IGF2BP3: variants seen among roughly 807,000 people sequenced by gnomAD.
IGF2BP3 encodes the protein insulin like growth factor 2 mRNA binding protein 3.
IGF2BP3 carries 9 observed loss-of-function variants against 73.8 expected under a neutral mutation model. The observed-to-expected ratio is 0.12, with a 90% CI of 0.07 to 0.21. The LOEUF (loss-of-function observed/expected upper bound fraction) is 0.21. Among genes scored for constraint, IGF2BP3 ranks in the 10% least tolerant of loss-of-function variants. The probability of loss-of-function intolerance (pLI) is 1.00; values close to 1 mark genes in which losing one functional copy is unlikely to be tolerated. For missense variants in IGF2BP3, 542 were observed against 714.0 expected, an observed-to-expected ratio of 0.76 and a Z score of 2.75; for synonymous variants, 258 against 256.7, an observed-to-expected ratio of 1.01 and a Z score of -0.05.
At chr7:23,441,550 G>T (rs979681646) in intron 2 of IGF2BP3, among the ~76,000 whole-genome samples, 25 of 137,542 alleles carry the variant, frequency 1.8e-4, no homozygotes, top group African/African-American at 6.8e-4. Context: ...TCCAGCCTGG[G>T]GACAAGAGTG....
At chr7:23,414,492 T>G (rs1212138971) in intron 3 of IGF2BP3, 1 of 152,248 alleles carries the variant, frequency 6.6e-6, no homozygotes, top group Non-Finnish European at 1.5e-5. Flanking sequence ...CTTCACAGAA[T>G]CTGGCTTACA....
chr7:23,437,068 G>A (rs954411111), intron 2 of IGF2BP3, among the ~76,000 whole-genome samples: 1 of 152,104 alleles, frequency 6.6e-6, no homozygotes, highest in African/African-American at 2.4e-5. Flanking sequence ...GCAGTGAGCT[G>A]AGATCGTGCG....
intron 10 of IGF2BP3, among the ~76,000 whole-genome samples, chr7:23,326,613 C>A (rs1784303503): frequency 1.3e-5 from 2 of 151,444 alleles, no homozygotes; most frequent in African/African-American, 4.9e-5. Context: ...AAGACACATG[C>A]ACACGTATGT....
At chr7:23,390,305 C>T (rs1786231361) in intron 3 of IGF2BP3, among the ~76,000 whole-genome samples, 2 of 151,836 alleles carry the variant, frequency 1.3e-5, no homozygotes, top group African/African-American at 2.4e-5. Context: ...AAATTTTATT[C>T]AACGAGCCTG....
At chr7:23,370,322 T>A (rs572463549) in intron 3 of IGF2BP3, among the ~76,000 whole-genome samples, 1 of 152,368 alleles carries the variant, frequency 6.6e-6, no homozygotes, top group African/African-American at 2.4e-5. Context: ...AGAGTCACAC[T>A]GACTTCCATG....
intron 3 of IGF2BP3, among the ~76,000 whole-genome samples, chr7:23,385,975 T>A (rs534064098): frequency 6.6e-6 from 1 of 152,348 alleles, no homozygotes; most frequent in South Asian, 2.1e-4. Flanking sequence ...TTGATTTTTT[T>A]AAGCCCATAT....
At chr7:23,336,185 A>T (rs1344823929) in intron 10 of IGF2BP3, among the ~76,000 whole-genome samples, 1 of 146,402 alleles carries the variant, frequency 6.8e-6, no homozygotes, top group Non-Finnish European at 1.5e-5. Flanking sequence ...AGTAGTATAT[A>T]TTAAAAAAAA....
intron 6 of IGF2BP3, among the ~76,000 whole-genome samples, chr7:23,349,874 T>C (rs1237290242): frequency 6.6e-6 from 1 of 152,116 alleles, no homozygotes; most frequent in Non-Finnish European, 1.5e-5. Context: ...GGAAGCCATA[T>C]AATGAATTTC....
intron 5 of IGF2BP3, among the ~76,000 whole-genome samples, chr7:23,353,004 C>T (rs947095436): frequency 2.6e-5 from 4 of 151,882 alleles, no homozygotes; most frequent in African/African-American, 7.3e-5. Context: ...CTAGTAGAGA[C>T]GAAATAGCCC....
At chr7:23,459,660 A>G (rs1788398991) in intron 2 of IGF2BP3, among the ~76,000 whole-genome samples, 1 of 151,802 alleles carries the variant, frequency 6.6e-6, no homozygotes, top group African/African-American at 2.4e-5. Context: ...GTGAAACCCC[A>G]TCTCTACTAA....
At position 23,380,047 on chromosome 7, in the gene IGF2BP3, T is replaced by A. The variant is rs148623961; in HGVS notation, c.286-18306A>T. On this transcript the variant is annotated intron_variant, in intron 3 of 14. Coordinates refer to ENST00000258729, the MANE Select transcript of IGF2BP3 (RefSeq NM_006547.3). ...GGAAAGTCGTAACTTGGTAATGTCT[T>A]TAAATATAAAAAGGCTATTTCAAAA... Among the ~76,000 whole-genome samples, 15 of 152,196 alleles carry A rather than the reference T, an allele frequency of 9.9e-5. No homozygotes were observed. The East Asian group carries it at 2.9e-3, about 29-fold the overall frequency.
intron 3 of IGF2BP3, among the ~76,000 whole-genome samples, chr7:23,374,952 G>T (rs757090345): frequency 7.2e-5 from 11 of 152,020 alleles, no homozygotes; most frequent in Non-Finnish European, 1.3e-4. Context: ...CGGTCCCCCC[G>T]TTCAGGGTCC....
intron 3 of IGF2BP3, among the ~76,000 whole-genome samples, chr7:23,393,741 A>G (rs746603534): frequency 6.6e-6 from 1 of 152,194 alleles, no homozygotes; most frequent in Non-Finnish European, 1.5e-5. Flanking sequence ...GGGGGCAATC[A>G]TGTTCATTTT....
rs868224549 is a variant in IGF2BP3, at chr7:23,435,708, G to A, written c.237-16884C>T. Among the ~76,000 whole-genome samples, 11 of 151,814 alleles carry A rather than the reference G, an allele frequency of 7.2e-5. No individual in the cohort carries two copies. In the South Asian group the frequency reaches 8.3e-4, roughly 11 times the overall value. The stretch of plus-strand genomic sequence containing the variant: ...CCTGACCTCATGATCCACCCACCTC[G>A]GCCTCCCAAAGTGCTGGGATTACAG... On this transcript the variant is annotated intron_variant, in intron 2 of 14. Coordinates refer to ENST00000258729, the MANE Select transcript of IGF2BP3 (RefSeq NM_006547.3).
chr7:23,443,127 T>C (rs1226986865), intron 2 of IGF2BP3, among the ~76,000 whole-genome samples: 16 of 142,608 alleles, frequency 1.1e-4, no homozygotes, highest in Admixed American at 9.7e-4. Context: ...TTTTTTTTTT[T>C]TTTGAGACTG....
At chr7:23,447,173 C>T (rs1788086114) in intron 2 of IGF2BP3, among the ~76,000 whole-genome samples, 2 of 151,860 alleles carry the variant, frequency 1.3e-5, no homozygotes, top group African/African-American at 2.4e-5. Flanking sequence ...TGCACTCCAG[C>T]CTGGTCGACA....
At chr7:23,344,983 G>A (rs1431705727) in intron 8 of IGF2BP3, among the ~76,000 whole-genome samples, 1 of 152,166 alleles carries the variant, frequency 6.6e-6, no homozygotes, top group Non-Finnish European at 1.5e-5. Flanking sequence ...CTTTCTGGGG[G>A]TAAATTTAAG....
At chr7:23,442,889 G>T (rs184096627) in intron 2 of IGF2BP3, among the ~76,000 whole-genome samples, 3 of 152,130 alleles carry the variant, frequency 2.0e-5, no homozygotes, top group Admixed American at 2.0e-4. Flanking sequence ...GTGGCAGTAT[G>T]TAAACCAAAT....
At chr7:23,403,744 T>C (rs76887341) in intron 3 of IGF2BP3, among the ~76,000 whole-genome samples, 4,188 of 152,222 alleles carry the variant, frequency 0.028, 190 homozygotes, top group African/African-American at 0.094. Context: ...CCCAATTACT[T>C]TGTTGTTTTT....
Sources: allele counts gnomAD v4.1 joint callset (sites outside exome capture counted in the v4.1 genomes callset), GRCh38; gene constraint gnomAD v4.1.1; transcripts MANE v1.5; gene names NCBI Gene and HGNC (gene_info 2026-07-23, HGNC 2026-07-21).